The following FERRY3 variants were observed in gnomAD, a reference collection of about 807,000 sequenced individuals.
FERRY3 encodes FERRY endosomal RAB5 effector complex subunit 3.
At chr12:4,488,063 G>C in the FERRY3 span, 1 of 152,014 alleles carries the variant, frequency 6.6e-6, no homozygotes, top group Non-Finnish European at 1.5e-5. This position sits in a 1 kb window ranked among gnomAD's most constrained non-coding sequence, Gnocchi z 4.9. Flanking sequence ...TCCATCAGTG[G>C]TAACACCATA....
chr12:4,507,044 A>G, the FERRY3 span, among the ~76,000 whole-genome samples: 1 of 152,146 alleles, frequency 6.6e-6, no homozygotes, highest in Admixed American at 6.5e-5. Context: ...CATGATATAC[A>G]CGCACTGCCT....
At chr12:4,508,004 G>T in the FERRY3 span, among the ~76,000 whole-genome samples, 1 of 152,176 alleles carries the variant, frequency 6.6e-6, no homozygotes, top group African/African-American at 2.4e-5. Context: ...TGTGAATTTT[G>T]AGAGTGTTTT....
At chr12:4,490,154 G>C in the FERRY3 span, among the ~76,000 whole-genome samples, 1 of 152,128 alleles carries the variant, frequency 6.6e-6, no homozygotes, top group East Asian at 1.9e-4. Context: ...GATAACACTA[G>C]TGTAATCAGT....
At chr12:4,494,286 T>G in the FERRY3 span, among the ~76,000 whole-genome samples, 1 of 152,182 alleles carries the variant, frequency 6.6e-6, no homozygotes, top group Non-Finnish European at 1.5e-5. Flanking sequence ...GCCTGAGGCT[T>G]GAATTTTCAT....
chr12:4,514,133 C>T, the FERRY3 span, among the ~76,000 whole-genome samples: 1 of 151,630 alleles, frequency 6.6e-6, no homozygotes, highest in South Asian at 2.1e-4. Flanking sequence ...AGCCAAAAAA[C>T]ACATGAAAAA....
chr12:4,507,479 C>T, the FERRY3 span, among the ~76,000 whole-genome samples: 2 of 152,118 alleles, frequency 1.3e-5, no homozygotes, highest in South Asian at 2.1e-4. Flanking sequence ...GAGTAATCGC[C>T]AATACTACGG....
the FERRY3 span, among the ~76,000 whole-genome samples, chr12:4,533,609 G>A: frequency 6.6e-6 from 1 of 152,008 alleles, no homozygotes; most frequent in Non-Finnish European, 1.5e-5. Flanking sequence ...TATACCTAAT[G>A]GCATCTTAGA....
the FERRY3 span, among the ~76,000 whole-genome samples, chr12:4,528,375 T>C: frequency 1.3e-5 from 2 of 152,186 alleles, no homozygotes; most frequent in East Asian, 1.9e-4. Context: ...TTTTAAACTA[T>C]ATTCACAATT....
At chr12:4,521,613 G>GT in the FERRY3 span, among the ~76,000 whole-genome samples, 2 of 152,058 alleles carry the variant, frequency 1.3e-5, no homozygotes, top group African/African-American at 4.8e-5. Context: ...TCAAAACATC[G>GT]TATCAGACCG....
the FERRY3 span, among the ~76,000 whole-genome samples, chr12:4,493,789 T>A: frequency 6.6e-6 from 1 of 152,062 alleles, no homozygotes; most frequent in African/African-American, 2.4e-5. Context: ...GAGAACGAGG[T>A]GACTAAGAAA....
the FERRY3 span, among the ~76,000 whole-genome samples, chr12:4,516,793 G>A: frequency 2.0e-5 from 3 of 152,096 alleles, no homozygotes; most frequent in African/African-American, 7.2e-5. Context: ...GCAGCAAACC[G>A]CCATGGCACA....
At chr12:4,515,293 A>G in the FERRY3 span, among the ~76,000 whole-genome samples, 15 of 152,214 alleles carry the variant, frequency 9.9e-5, no homozygotes, top group African/African-American at 3.6e-4. Flanking sequence ...AAAATTAAAA[A>G]CAGAACTATC....
the FERRY3 span, among the ~76,000 whole-genome samples, chr12:4,498,056 A>G: frequency 2.6e-5 from 4 of 152,248 alleles, no homozygotes; most frequent in Non-Finnish European, 5.9e-5. Flanking sequence ...ACTTTTGTGA[A>G]TTAAATTGGA....
chr12:4,522,729 A>G, the FERRY3 span, among the ~76,000 whole-genome samples: 2 of 152,258 alleles, frequency 1.3e-5, no homozygotes, highest in Non-Finnish European at 2.9e-5. Context: ...CCTGTTCATG[A>G]AAGTTTACAA....
At chr12:4,522,194 G>C in the FERRY3 span, among the ~76,000 whole-genome samples, 1 of 152,132 alleles carries the variant, frequency 6.6e-6, no homozygotes, top group East Asian at 1.9e-4. Flanking sequence ...TCTCAGTTTT[G>C]CTGTGAACCT....
chr12:4,506,923 A>C, the FERRY3 span, among the ~76,000 whole-genome samples: 5,521 of 152,270 alleles, frequency 0.036, 330 homozygotes, highest in African/African-American at 0.12. Context: ...GTATTTTCAC[A>C]AAGTCCTTCT....
the FERRY3 span, among the ~76,000 whole-genome samples, chr12:4,508,287 A>G: frequency 6.6e-6 from 1 of 152,246 alleles, no homozygotes; most frequent in Non-Finnish European, 1.5e-5. Flanking sequence ...ATATGCACCT[A>G]AAATACTACA....
At chr12:4,527,252 AAGAC>A in the FERRY3 span, among the ~76,000 whole-genome samples, 186 of 152,330 alleles carry the variant, frequency 1.2e-3, no homozygotes, top group African/African-American at 3.1e-3. Flanking sequence ...TGTGAAGAAA[AAGAC>A]AGACAGAAAT....
the FERRY3 span, chr12:4,500,170 T>G: frequency 5.6e-6 from 9 of 1,613,946 alleles, no homozygotes. Context: ...AAGAGAGGAA[T>G]GCTTATTGTT....
Sources: allele counts gnomAD v4.1 joint callset (sites outside exome capture counted in the v4.1 genomes callset), GRCh38; gene constraint gnomAD v4.1.1; non-coding constraint Gnocchi (gnomAD v3.1); transcripts MANE v1.5; gene names NCBI Gene and HGNC (gene_info 2026-07-23, HGNC 2026-07-21).